LOC400499: variants seen among roughly 807,000 people sequenced by gnomAD.
At chr16:11,519,318 T>G in the LOC400499 span, among the ~76,000 whole-genome samples, 7 of 152,148 alleles carry the variant, frequency 4.6e-5, no homozygotes, top group Non-Finnish European at 8.8e-5. Flanking sequence ...GATGAGGACT[T>G]GGATATCCCA....
chr16:11,397,823 C>T, the LOC400499 span, among the ~76,000 whole-genome samples: 1 of 138,992 alleles, frequency 7.2e-6, no homozygotes, highest in Non-Finnish European at 1.6e-5. Flanking sequence ...TGAATGGATG[C>T]AAGGGAGGAA....
the LOC400499 span, among the ~76,000 whole-genome samples, chr16:11,391,104 G>A: frequency 1.1e-4 from 16 of 152,248 alleles, no homozygotes; most frequent in Non-Finnish European, 2.4e-4. Flanking sequence ...GGTGGTCACA[G>A]GAACACTCTG....
the LOC400499 span, among the ~76,000 whole-genome samples, chr16:11,400,528 C>A: frequency 2.0e-5 from 3 of 151,998 alleles, no homozygotes; most frequent in Admixed American, 2.0e-4. Flanking sequence ...GCAACCTCCA[C>A]CTCCAGGGCT....
At chr16:11,400,468 GT>G in the LOC400499 span, among the ~76,000 whole-genome samples, 1 of 115,518 alleles carries the variant, frequency 8.7e-6, no homozygotes, top group Non-Finnish European at 1.6e-5. Context: ...TTCTGAGACT[GT>G]CTCACTCTGT....
the LOC400499 span, chr16:11,396,678 G>A: frequency 3.2e-6 from 4 of 1,231,874 alleles, no homozygotes; most frequent in African/African-American, 6.2e-5. Flanking sequence ...AAGAGGGCCT[G>A]GGACGAGAGA....
At chr16:11,465,563 T>A in the LOC400499 span, 1 of 151,312 alleles carries the variant, frequency 6.6e-6, no homozygotes, top group East Asian at 1.9e-4. Context: ...CCTACTGAGA[T>A]GAAAACGAGC....
At chr16:11,395,530 C>A in the LOC400499 span, among the ~76,000 whole-genome samples, 3 of 152,192 alleles carry the variant, frequency 2.0e-5, no homozygotes, top group East Asian at 5.8e-4. Flanking sequence ...GAAGGAGAAA[C>A]TCCTTTGAAA....
the LOC400499 span, among the ~76,000 whole-genome samples, chr16:11,440,327 G>A: frequency 6.6e-6 from 1 of 152,168 alleles, no homozygotes; most frequent in African/African-American, 2.4e-5. Context: ...AGCTAGGTGG[G>A]ATCATGTGAT....
At chr16:11,387,324 G>C in the LOC400499 span, 3 of 1,231,628 alleles carry the variant, frequency 2.4e-6, no homozygotes, top group Non-Finnish European at 3.0e-6. Flanking sequence ...ACAAGTCACT[G>C]TGCCTGCCCG....
chr16:11,387,902 G>A, the LOC400499 span, among the ~76,000 whole-genome samples: 2 of 152,286 alleles, frequency 1.3e-5, no homozygotes, highest in East Asian at 3.9e-4. Context: ...GGGATTACAG[G>A]TGTGAGCCAC....
chr16:11,409,816 G>A, the LOC400499 span, among the ~76,000 whole-genome samples: 137,151 of 152,246 alleles, frequency 0.9, 62,709 homozygotes, highest in Non-Finnish European at 0.98. Flanking sequence ...CTTCAGAAAC[G>A]TCTCTATATT....
the LOC400499 span, among the ~76,000 whole-genome samples, chr16:11,459,558 G>C: frequency 6.6e-6 from 1 of 152,164 alleles, no homozygotes; most frequent in Non-Finnish European, 1.5e-5. Flanking sequence ...ACCACCACCT[G>C]TTCAGCTGCT....
the LOC400499 span, among the ~76,000 whole-genome samples, chr16:11,507,626 T>G: frequency 1.3e-5 from 2 of 152,180 alleles, 1 homozygote. Flanking sequence ...ATACACTAAG[T>G]GCTCAATTAA....
chr16:11,504,882 A>C, the LOC400499 span, among the ~76,000 whole-genome samples: 10,004 of 152,168 alleles, frequency 0.066, 903 homozygotes, highest in African/African-American at 0.2. Flanking sequence ...AAGATCGCAC[A>C]ACTGCACTCC....
At chr16:11,372,646 G>T in the LOC400499 span, 1 of 640,852 alleles carries the variant, frequency 1.6e-6, no homozygotes, top group Non-Finnish European at 1.9e-6. Flanking sequence ...TCCCAGCCAT[G>T]AATCTTGTCA....
At chr16:11,488,713 T>C in the LOC400499 span, 7 of 398,750 alleles carry the variant, frequency 1.8e-5, no homozygotes, top group African/African-American at 1.0e-4. Context: ...CCATACCTGA[T>C]CGGAAGGTGA....
At chr16:11,498,912 G>C in the LOC400499 span, among the ~76,000 whole-genome samples, 254 of 150,492 alleles carry the variant, frequency 1.7e-3, no homozygotes, top group African/African-American at 5.9e-3. Flanking sequence ...GGAAAATTGA[G>C]GCCTGGGAAA....
the LOC400499 span, among the ~76,000 whole-genome samples, chr16:11,397,789 G>GGATGGATGGATGGATGGATGGAT: frequency 6.7e-5 from 9 of 134,216 alleles, no homozygotes; most frequent in East Asian, 2.2e-4. Flanking sequence ...GAGGGAGGGA[G>GGATGGATGGATGGATGGATGGAT]GGAGGGAGGG....
At chr16:11,496,888 ATGTGTGTGTGTGTGTGTGTGTGTGTG>A in the LOC400499 span, among the ~76,000 whole-genome samples, 3 of 144,268 alleles carry the variant, frequency 2.1e-5, no homozygotes, top group Non-Finnish European at 3.1e-5. Flanking sequence ...GTATGCCTCA[ATGTGTGTGTGTGTGTGTGTGTGTGTG>A]TGTGTGTGTG....
Sources: allele counts gnomAD v4.1 joint callset (sites outside exome capture counted in the v4.1 genomes callset), GRCh38; gene constraint gnomAD v4.1.1; transcripts MANE v1.5.